Variants in CDH18 observed in about 807,000 individuals in gnomAD.
CDH18 encodes cadherin 18.
In CDH18, 31 loss-of-function variants were observed where a neutral mutation model predicts 67.9. The ratio of observed to expected loss-of-function variants is 0.46; its 90% CI spans 0.34 to 0.62. The LOEUF is 0.62. CDH18 is among the 20% of genes least tolerant of loss of function. The pLI, the probability that CDH18 is intolerant of heterozygous loss-of-function variation, is 0.01. For missense variants in CDH18, 890 were observed against 975.5 expected, an observed-to-expected ratio of 0.91 and a Z score of 1.17; for synonymous variants, 362 against 347.2, an observed-to-expected ratio of 1.04 and a Z score of -0.48.
intron 1 of CDH18, among the ~76,000 whole-genome samples, chr5:20,366,634 G>A (rs1033739830): frequency 1.3e-5 from 2 of 152,034 alleles, no homozygotes; most frequent in African/African-American, 4.8e-5. Context: ...GCCTCAATTT[G>A]CCCCCCTAAC....
chr5:19,905,786 A>T (rs545897567), intron 2 of CDH18, among the ~76,000 whole-genome samples: 144 of 152,176 alleles, frequency 9.5e-4, no homozygotes, highest in African/African-American at 3.3e-3. Flanking sequence ...AAAAATCAGA[A>T]GGATTTGCAA....
intron 1 of CDH18, among the ~76,000 whole-genome samples, chr5:20,370,388 GTTA>G (rs1742882872): frequency 2.0e-5 from 3 of 150,890 alleles, no homozygotes; most frequent in Admixed American, 1.3e-4. Flanking sequence ...TTCTACAGTT[GTTA>G]TTATCACTTT....
At chr5:20,056,473 C>CTTTTTTTTTTTTTTTTTT (rs1561754004) in intron 2 of CDH18, among the ~76,000 whole-genome samples, 3 of 13,562 alleles carry the variant, frequency 2.2e-4, no homozygotes, top group African/African-American at 5.6e-4. Flanking sequence ...TATTTTCTTT[C>CTTTTTTTTTTTTTTTTTT]TTTTGTTTTT....
chr5:20,065,134 T>C (rs1404197176), intron 2 of CDH18, among the ~76,000 whole-genome samples: 1 of 151,968 alleles, frequency 6.6e-6, no homozygotes, highest in Admixed American at 6.6e-5. Flanking sequence ...TTTTTTAAAT[T>C]CTTGAATTAA....
chr5:20,275,441 TGTGA>T (rs1216551593), intron 1 of CDH18, among the ~76,000 whole-genome samples: 3 of 152,182 alleles, frequency 2.0e-5, no homozygotes, highest in African/African-American at 7.2e-5. Flanking sequence ...CCTGCTCAAC[TGTGA>T]GTCAGGTAAA....
At chr5:19,746,840 C>G (rs1485476088) in intron 4 of CDH18, 102 bp downstream of exon 4, 1 of 872,960 alleles carries the variant, frequency 1.1e-6, no homozygotes, top group African/African-American at 1.7e-5. Context: ...TATTTATATC[C>G]CCTCCAGATA....
At chr5:20,406,179 A>G (rs1746232151) in intron 1 of CDH18, among the ~76,000 whole-genome samples, 1 of 152,202 alleles carries the variant, frequency 6.6e-6, no homozygotes, top group Non-Finnish European at 1.5e-5. Flanking sequence ...ACTTGGAACC[A>G]ACCCAAATGT....
intron 1 of CDH18, among the ~76,000 whole-genome samples, chr5:20,552,069 C>A (rs541331788): frequency 6.6e-6 from 1 of 151,882 alleles, no homozygotes; most frequent in South Asian, 2.1e-4. Context: ...CAAGAAACAT[C>A]ATACAATAGC....
intron 3 of CDH18, among the ~76,000 whole-genome samples, chr5:19,771,208 G>C (rs988069881): frequency 6.6e-6 from 1 of 152,154 alleles, no homozygotes; most frequent in African/African-American, 2.4e-5. Flanking sequence ...GTGTAATGTC[G>C]TCTTTTTGAG....
At chr5:20,326,665 A>T (rs1245012660) in intron 1 of CDH18, among the ~76,000 whole-genome samples, 1 of 150,828 alleles carries the variant, frequency 6.6e-6, no homozygotes, top group African/African-American at 2.4e-5. Context: ...CAGCTTTCTG[A>T]GTAGCTGGCA....
intron 1 of CDH18, among the ~76,000 whole-genome samples, chr5:20,441,167 A>G (rs182929416): frequency 8.7e-4 from 132 of 151,922 alleles, no homozygotes; most frequent in South Asian, 3.7e-3. Context: ...TGTAAGCAGA[A>G]AGAACAATTG....
intron 2 of CDH18, among the ~76,000 whole-genome samples, chr5:20,129,230 C>G (rs921183179): frequency 2.6e-5 from 4 of 151,614 alleles, no homozygotes; most frequent in African/African-American, 9.7e-5. Flanking sequence ...AAATATAGAC[C>G]CAATATAAAT....
At chr5:20,319,141 T>A (rs1180900654) in intron 1 of CDH18, among the ~76,000 whole-genome samples, 1 of 152,180 alleles carries the variant, frequency 6.6e-6, no homozygotes, top group Non-Finnish European at 1.5e-5. Context: ...ACTTCATCTG[T>A]CATTAAGACA....
rs577274383 is a variant in CDH18, at chr5:19,998,542, T to C, written c.-517-6528A>G. Among the ~76,000 whole-genome samples the C allele has an allele frequency of 6.4e-4, 98 of 152,302 alleles. 1 individual carries two copies. Among genetic ancestry groups the C allele is most frequent in the African/African-American group, 2.2e-3 (91 of 41,570 alleles). ...AATTATTGTCCTGTTGGTTGTTTCA[T>C]GCTAAGAGAACAATTCAGAGTTCAA... On this transcript the variant is annotated intron_variant, in intron 2 of 14. Transcript: ENST00000507958.
intron 2 of CDH18, among the ~76,000 whole-genome samples, chr5:20,246,169 T>C (rs1373432201): frequency 1.3e-5 from 2 of 152,234 alleles, no homozygotes; most frequent in African/African-American, 4.8e-5. Context: ...TTATATAATG[T>C]ATCAAATTAA....
At chr5:20,466,349 T>A (rs1751633110) in intron 1 of CDH18, among the ~76,000 whole-genome samples, 1 of 152,062 alleles carries the variant, frequency 6.6e-6, no homozygotes, top group Non-Finnish European at 1.5e-5. Context: ...AGTACATGAT[T>A]TCCATTGTTA....
chr5:20,218,928 C>A (rs1740999156), intron 2 of CDH18, among the ~76,000 whole-genome samples: 1 of 151,472 alleles, frequency 6.6e-6, no homozygotes, highest in South Asian at 2.1e-4. Context: ...AAAAGTAGAA[C>A]AACTTCAAAT....
intron 5 of CDH18, among the ~76,000 whole-genome samples, chr5:19,672,489 A>G (rs113717055): frequency 6.6e-6 from 1 of 152,114 alleles, no homozygotes. Context: ...AATAAATTAT[A>G]ACTCATTTTC....
chr5:20,279,358 A>G (rs970633757), intron 1 of CDH18, among the ~76,000 whole-genome samples: 2 of 151,360 alleles, frequency 1.3e-5, no homozygotes, highest in African/African-American at 4.9e-5. Flanking sequence ...TGTAATAATT[A>G]TAAATATACA....
Sources: gnomAD v4.1 joint callset for allele counts (sites outside exome capture counted in the v4.1 genomes callset) on GRCh38, gnomAD v4.1.1 for gene constraint, MANE v1.5 for transcripts, NCBI Gene and HGNC (gene_info 2026-07-23, HGNC 2026-07-21) for gene names.